Variants in NAV2 observed in about 807,000 individuals in gnomAD.
NAV2 encodes the protein helicase, APC down-regulated 1.
NAV2 carries 54 observed loss-of-function variants against 223.2 expected under a neutral mutation model. The ratio of observed to expected loss-of-function variants is 0.24; its 90% CI spans 0.19 to 0.30. The LOEUF (loss-of-function observed/expected upper bound fraction) is 0.30. Ranked by LOEUF, NAV2 falls within the 10% of genes least tolerant of loss-of-function variation. NAV2 has a pLI of 1.00. For synonymous variants in NAV2, 1,279 were observed against 1,239.3 expected, an observed-to-expected ratio of 1.03 and a Z score of -0.67; for missense variants, 2,806 against 3,147.5, an observed-to-expected ratio of 0.89 and a Z score of 2.60.
At chr11:19,396,590 T>C (rs1849458966) in intron 1 of NAV2, among the ~76,000 whole-genome samples, 1 of 152,158 alleles carries the variant, frequency 6.6e-6, no homozygotes, top group South Asian at 2.1e-4. Flanking sequence ...TTCTGTCCCC[T>C]GGCACCTCAC....
chr11:20,102,483 C>G lies in NAV2; in HGVS notation c.6418-772C>G, dbSNP rs531870715. 1.6e-4 allele frequency among the ~76,000 whole-genome samples: 25 copies of G among 152,204 alleles called. 1 individual carries two copies. Among genetic ancestry groups the G allele is most frequent in the African/African-American group, 5.8e-4 (24 of 41,512 alleles). ...CTTATCATACCATGCCTCAGCTTCTCCTTCTGTAAAATGGACGTAATCATA... is the reference window on the plus strand; with the variant it reads ...CTTATCATACCATGCCTCAGCTTCTGCTTCTGTAAAATGGACGTAATCATA... On this transcript the variant is annotated intron_variant, in intron 32 of 37. Coordinates refer to ENST00000349880, the MANE Select transcript of NAV2 (RefSeq NM_145117.5).
chr11:20,038,140 T>C (rs184654851), intron 12 of NAV2, among the ~76,000 whole-genome samples: 9 of 152,346 alleles, frequency 5.9e-5, no homozygotes, highest in African/African-American at 2.2e-4. Context: ...TGGTTCCACA[T>C]TGATAAACAA....
intron 10 of NAV2, among the ~76,000 whole-genome samples, chr11:19,975,348 G>A (rs1039962796): frequency 2.0e-5 from 3 of 152,256 alleles, no homozygotes; most frequent in Non-Finnish European, 4.4e-5. Flanking sequence ...GTTTAAGGGT[G>A]ATAAGTACAC....
At chr11:19,935,867 T>TTTTTTTTTTTTTTTTTTTTTTTTC (rs1199186142) in intron 7 of NAV2, among the ~76,000 whole-genome samples, 1 of 123,416 alleles carries the variant, frequency 8.1e-6, no homozygotes, top group Non-Finnish European at 1.7e-5. Context: ...TTTTTTTTTT[T>TTTTTTTTTTTTTTTTTTTTTTTTC]TTTTTTTTGA....
At position 20,062,470 on chromosome 11, in the gene NAV2, T is replaced by C. The variant is rs776127868; in HGVS notation, c.4884+111T>C. On this transcript the variant is annotated intron_variant, in intron 20 of 37. Coordinates refer to ENST00000349880, the MANE Select transcript of NAV2 (RefSeq NM_145117.5). The stretch of plus-strand genomic sequence containing the variant: ...TATCCTAGGGAAAGCATTTCCATTA[T>C]AAGGGGATCAATTAATTAGGGAACA... The C allele has an allele frequency of 5.1e-5, 40 of 786,960 alleles. No homozygotes were observed. In the African/African-American group the frequency reaches 6.1e-4, roughly 12 times the overall value. The allele number at this position is 786,960 out of a possible 1,614,324, so 48.7% of individuals were successfully genotyped here.
chr11:20,121,060 G>A lies in NAV2; in HGVS notation c.*2802G>A, dbSNP rs1310213360. On this transcript the variant is annotated 3_prime_UTR_variant, in exon 38 of 38. Transcript: ENST00000349880. Reference sequence around the variant, plus strand: ...AAGTTTCATTAGGGGTGGGGTGGGAGTGGGACAGGAACAAGACTTGCCTAG... The same window carrying A: ...AAGTTTCATTAGGGGTGGGGTGGGAATGGGACAGGAACAAGACTTGCCTAG... The A allele has an allele frequency of 2.0e-5, 3 of 152,354 alleles. No homozygotes were observed. Among genetic ancestry groups the A allele is most frequent in the Non-Finnish European group, 2.9e-5 (2 of 68,012 alleles). 9.4% of individuals were successfully genotyped at this position (152,354 alleles called of 1,614,324 possible). A position where few individuals can be genotyped will look rare whatever the true frequency, so the allele number is the denominator to read the frequency against.
At chr11:19,806,212 A>T (rs1382916928) in intron 1 of NAV2, among the ~76,000 whole-genome samples, 1 of 152,188 alleles carries the variant, frequency 6.6e-6, no homozygotes, top group Non-Finnish European at 1.5e-5. Flanking sequence ...TTGTAACCTA[A>T]TGTATTTTAT....
At chr11:19,724,912 G>A (rs1437454788) in intron 1 of NAV2, among the ~76,000 whole-genome samples, 1 of 152,184 alleles carries the variant, frequency 6.6e-6, no homozygotes, top group Non-Finnish European at 1.5e-5. Context: ...GGCGAGGCCT[G>A]GGGCACAGTA....
At chr11:20,023,246 C>T (rs956139651) in intron 11 of NAV2, 2 of 686,790 alleles carry the variant, frequency 2.9e-6, no homozygotes, top group Non-Finnish European at 4.6e-6. Context: ...GGTGCAGCTG[C>T]CTAAATCACT....
intron 26 of NAV2, among the ~76,000 whole-genome samples, chr11:20,084,603 G>A (rs1404891504): frequency 2.0e-5 from 3 of 152,178 alleles, no homozygotes; most frequent in Admixed American, 1.3e-4. Context: ...ACTGGACTTC[G>A]GTTTGGCCCT....
At chr11:19,768,790 A>T (rs975093421) in intron 1 of NAV2, among the ~76,000 whole-genome samples, 1 of 152,226 alleles carries the variant, frequency 6.6e-6, no homozygotes, top group Non-Finnish European at 1.5e-5. Flanking sequence ...GTGTACCTCC[A>T]TTGTACTGTA....
chr11:19,539,497 G>A (rs1259998174), intron 1 of NAV2, among the ~76,000 whole-genome samples: 1 of 152,026 alleles, frequency 6.6e-6, no homozygotes, highest in Non-Finnish European at 1.5e-5. Context: ...TTATTTCATT[G>A]TAAGAATGTA....
At chr11:20,050,439 T>C (rs1176622165) in intron 16 of NAV2, among the ~76,000 whole-genome samples, 1 of 152,146 alleles carries the variant, frequency 6.6e-6, no homozygotes. Flanking sequence ...GTGTAGAGTA[T>C]TAAGACTTTA....
chr11:19,726,869 C>A (rs2051296963), intron 1 of NAV2, among the ~76,000 whole-genome samples: 1 of 152,186 alleles, frequency 6.6e-6, no homozygotes, highest in African/African-American at 2.4e-5. Context: ...ATGCCCTCAA[C>A]CCCTTCAGAA....
At chr11:19,349,625 T>C (rs556566534), upstream of NAV2, among the ~76,000 whole-genome samples, 217 of 152,236 alleles carry the variant, frequency 1.4e-3, 1 homozygote, top group Middle Eastern at 6.8e-3. Flanking sequence ...AGTAAAGAGC[T>C]CCCCAGCCCC....
intron 1 of NAV2, among the ~76,000 whole-genome samples, chr11:19,517,919 G>A (rs761971353): frequency 1.9e-4 from 29 of 152,364 alleles, no homozygotes; most frequent in East Asian, 1.3e-3. Context: ...GTAGAATGGC[G>A]TCCAGCCTGT....
chr11:19,987,050 T>A (rs1425122303), intron 11 of NAV2, among the ~76,000 whole-genome samples: 6 of 152,212 alleles, frequency 3.9e-5, no homozygotes, highest in African/African-American at 7.2e-5. Context: ...AATATTTTTT[T>A]AAAAACTTAC....
chr11:19,351,880 A>G (rs903372394), intron 1 of NAV2, among the ~76,000 whole-genome samples: 5 of 150,172 alleles, frequency 3.3e-5, no homozygotes, highest in Admixed American at 1.3e-4. Flanking sequence ...TCTCCTCCTG[A>G]GTCTCAAAGA....
At chr11:19,811,944 C>T (rs1288210298) in intron 1 of NAV2, among the ~76,000 whole-genome samples, 1 of 152,138 alleles carries the variant, frequency 6.6e-6, no homozygotes, top group East Asian at 1.9e-4. Flanking sequence ...AATCCTTTGC[C>T]TGGAATGGTC....
Sources: gnomAD v4.1 joint callset for allele counts (sites outside exome capture counted in the v4.1 genomes callset) on GRCh38, gnomAD v4.1.1 for gene constraint, MANE v1.5 for transcripts, NCBI Gene and HGNC (gene_info 2026-07-23, HGNC 2026-07-21) for gene names.